The following RBM6 variants were observed in gnomAD, a reference collection of about 807,000 sequenced individuals.
RBM6 encodes RNA-binding protein 6.
Under a neutral mutation model 140.4 loss-of-function variants are expected in RBM6, and 23 were observed. That is an observed-to-expected ratio of 0.16 (90% CI 0.12 to 0.23). RBM6 has a LOEUF of 0.23. RBM6 is among the 10% of genes least tolerant of loss of function. The pLI, the probability that RBM6 is intolerant of heterozygous loss-of-function variation, is 1.00. For missense variants in RBM6, 1,139 were observed against 1,386.7 expected (o/e 0.82, Z 2.84); for synonymous variants, 439 against 475.6 (o/e 0.92, Z 1.00).
intron 3 of RBM6, among the ~76,000 whole-genome samples, chr3:49,969,768 G>T (rs1559537775): frequency 2.1e-5 from 3 of 143,260 alleles, no homozygotes; most frequent in African/African-American, 7.6e-5. Flanking sequence ...TGCCTGGCTA[G>T]TTTTTTTTTT....
At chr3:49,965,907 C>G (rs1349665092) in intron 2 of RBM6, among the ~76,000 whole-genome samples, 1 of 152,102 alleles carries the variant, frequency 6.6e-6, no homozygotes, top group Non-Finnish European at 1.5e-5. Flanking sequence ...GGGTGGCTCA[C>G]CTGAGGTCAA....
intron 6 of RBM6, 41 bp downstream of exon 6, chr3:49,999,554 T>G: frequency 6.8e-7 from 1 of 1,469,308 alleles, no homozygotes; most frequent in South Asian, 1.1e-5. Context: ...GAAGGATATA[T>G]TTTTTTATAT....
At position 50,057,866 on chromosome 3, in the gene RBM6, A is replaced by C. The variant is rs779564395; in HGVS notation, c.1832A>C (p.Gln611Pro). The C allele has an allele frequency of 6.2e-7, 1 of 1,614,132 alleles. No individual in the cohort carries two copies. The highest frequency in any genetic ancestry group is 1.7e-5 in the Admixed American group (1 of 60,012). ...EPEPRKREEG[Q>P]ESRLGHQKRE... is the part of the protein sequence containing the mutation. ...GAACCCAGGAAGAGGGAAGAAGGCC[A>C]AGAGTCACGCTTAGGACATCAAAAG... The change falls in exon 9 of 21, where the codon CAA becomes CCA. Residue 611 changes from glutamine (Q) to proline (P), a missense_variant. Coordinates refer to ENST00000266022, the MANE Select transcript of RBM6 (RefSeq NM_005777.3).
At chr3:50,006,082 A>C (rs1407305804) in intron 6 of RBM6, among the ~76,000 whole-genome samples, 1 of 150,270 alleles carries the variant, frequency 6.7e-6, no homozygotes, top group African/African-American at 2.5e-5. Flanking sequence ...TTTTTTTGAG[A>C]TGGAGTCTCA....
At chr3:50,055,170 G>A (rs1042591190) in intron 8 of RBM6, among the ~76,000 whole-genome samples, 1 of 152,212 alleles carries the variant, frequency 6.6e-6, no homozygotes, top group African/African-American at 2.4e-5. Context: ...GCTAACGCTT[G>A]TAATCCCAGC....
intron 6 of RBM6, among the ~76,000 whole-genome samples, chr3:50,014,727 G>T (rs539157942): frequency 2.5e-4 from 38 of 152,228 alleles, no homozygotes; most frequent in Admixed American, 2.0e-3. Context: ...GAGCTGCTGT[G>T]TATATAGAAT....
intron 2 of RBM6, among the ~76,000 whole-genome samples, chr3:49,965,702 C>A (rs576789984): frequency 6.6e-6 from 1 of 150,846 alleles, no homozygotes; most frequent in East Asian, 2.0e-4. Flanking sequence ...TCTAAACTTG[C>A]TCCTCTTATG....
At chr3:49,997,094 T>C (rs1361235088) in intron 5 of RBM6, among the ~76,000 whole-genome samples, 1 of 152,196 alleles carries the variant, frequency 6.6e-6, no homozygotes, top group Non-Finnish European at 1.5e-5. Context: ...ATTACTTACT[T>C]TCATAGGCTA....
chr3:49,982,772 C>T (rs1312020514), intron 5 of RBM6, among the ~76,000 whole-genome samples: 2 of 151,724 alleles, frequency 1.3e-5, no homozygotes, highest in Admixed American at 1.3e-4. Context: ...GGCTGGAGTG[C>T]AGTGGTGCAA....
intron 5 of RBM6, among the ~76,000 whole-genome samples, chr3:49,983,523 T>C (rs1307882282): frequency 1.3e-5 from 2 of 152,160 alleles, no homozygotes; most frequent in Non-Finnish European, 2.9e-5. Flanking sequence ...TAGCTTAACA[T>C]CATTTAGAAA....
intron 19 of RBM6, among the ~76,000 whole-genome samples, chr3:50,072,215 CTGGCCAACA>C (rs1359825169): frequency 6.6e-6 from 1 of 151,344 alleles, no homozygotes; most frequent in Non-Finnish European, 1.5e-5. Flanking sequence ...CGAGACCAGC[CTGGCCAACA>C]TGGTGAAACC....
At chr3:49,955,878 G>GTGTA (rs2083963056) in intron 1 of RBM6, among the ~76,000 whole-genome samples, 1 of 151,400 alleles carries the variant, frequency 6.6e-6, no homozygotes, top group Admixed American at 6.6e-5. Context: ...GTGTGTGTGT[G>GTGTA]TGTGTGTATA....
intron 6 of RBM6, among the ~76,000 whole-genome samples, chr3:50,018,820 A>G (rs1575708081): frequency 6.6e-6 from 1 of 151,514 alleles, no homozygotes. Flanking sequence ...TGATCTTGTG[A>G]CCTCGTGATT....
intron 2 of RBM6, among the ~76,000 whole-genome samples, chr3:49,965,917 A>G (rs1308982706): frequency 6.6e-6 from 1 of 152,104 alleles, no homozygotes; most frequent in Non-Finnish European, 1.5e-5. Flanking sequence ...CCTGAGGTCA[A>G]GAGTTCAAGA....
In RBM6 at chr3:50,023,882, A is replaced by G. The variant is rs575277610; in HGVS notation, c.1558-24363A>G. On this transcript the variant is annotated intron_variant, in intron 6 of 20. Transcript: ENST00000266022. ...AGGCTGGTCTTGAACTCCTGACTTC[A>G]GGTGATCCACCCATCTCAGCCTCCC... 2.0e-5 allele frequency among the ~76,000 whole-genome samples: 3 copies of G among 152,128 alleles called. No homozygotes were observed. The South Asian group carries it at 6.2e-4, about 32-fold the overall frequency.
Position 50,068,682 on chromosome 3 carries a change from C to T in RBM6, c.2944-8C>T, listed in dbSNP as rs2090193970. 1 of 1,613,764 alleles carries T rather than the reference C, an allele frequency of 6.2e-7. No individual in the cohort carries two copies. The highest frequency in any genetic ancestry group is 8.5e-7 in the Non-Finnish European group (1 of 1,179,686). ...GACCTATACTCATAGAATTGCCTCT[C>T]TTCTCAGCAAAACCTGGAAATCCAC... On this transcript the variant is annotated splice_region_variant and splice_polypyrimidine_tract_variant and intron_variant, in intron 17 of 20. Transcript: ENST00000266022.
chr3:50,004,493 T>G (rs1420592429), intron 6 of RBM6, among the ~76,000 whole-genome samples: 5 of 150,276 alleles, frequency 3.3e-5, no homozygotes, highest in East Asian at 2.0e-4. Flanking sequence ...TTTTTTTTTT[T>G]GTAGAGGCAG....
chr3:50,053,485 C>T (rs553823441), intron 7 of RBM6, among the ~76,000 whole-genome samples: 12 of 151,820 alleles, frequency 7.9e-5, no homozygotes, highest in African/African-American at 2.9e-4. Flanking sequence ...AAGCCGAGAT[C>T]ATGCCGTTGC....
chr3:50,072,889 C>T (rs553402038), intron 19 of RBM6, among the ~76,000 whole-genome samples: 133 of 152,124 alleles, frequency 8.7e-4, no homozygotes, highest in Non-Finnish European at 1.6e-3. Flanking sequence ...TCTCAGCACC[C>T]TTTATACCAC....
Sources: allele counts gnomAD v4.1 joint callset (sites outside exome capture counted in the v4.1 genomes callset), GRCh38; gene constraint gnomAD v4.1.1; transcripts MANE v1.5; gene names NCBI Gene and HGNC (gene_info 2026-07-23, HGNC 2026-07-21).